Variants in NAV1 observed in about 807,000 individuals in gnomAD.
NAV1 encodes pore membrane and/or filament interacting like protein 3.
Under a neutral mutation model 175.2 loss-of-function variants are expected in NAV1, and 18 were observed. The observed-to-expected ratio is 0.10, with a 90% CI of 0.07 to 0.15. The LOEUF (loss-of-function observed/expected upper bound fraction) is 0.15, where lower values mean the gene tolerates loss of function less well. NAV1 is among the 10% of genes least tolerant of loss of function. The probability of loss-of-function intolerance (pLI) is 1.00; values close to 1 mark genes in which losing one functional copy is unlikely to be tolerated. For missense variants in NAV1, 1,731 were observed against 2,436.6 expected, an observed-to-expected ratio of 0.71 and a Z score of 6.10; for synonymous variants, 897 against 978.7, an observed-to-expected ratio of 0.92 and a Z score of 1.56.
At chr1:201,794,201 G>T (rs1307358275) in intron 14 of NAV1, 8 of 635,456 alleles carry the variant, frequency 1.3e-5, no homozygotes, top group South Asian at 1.2e-4. Context: ...ACCCAGGCTG[G>T]AGTGCACTGG....
intron 2 of NAV1, among the ~76,000 whole-genome samples, chr1:201,714,886 A>C (rs1489580105): frequency 6.6e-6 from 1 of 152,130 alleles, no homozygotes; most frequent in Non-Finnish European, 1.5e-5. Flanking sequence ...CCCTCCGTTA[A>C]GCCGGACAGC....
At chr1:201,815,046 A>C (rs1678940518) in intron 28 of NAV1, among the ~76,000 whole-genome samples, 2 of 151,724 alleles carry the variant, frequency 1.3e-5, no homozygotes, top group African/African-American at 4.8e-5. Context: ...TCTCAAAAAA[A>C]AAAAAAAAAA....
chr1:201,561,672 G>C (rs1251114602), intron 1 of NAV1, among the ~76,000 whole-genome samples: 1 of 152,168 alleles, frequency 6.6e-6, no homozygotes, highest in Non-Finnish European at 1.5e-5. Context: ...TTCCCTATTA[G>C]GCAGTAGGCT....
rs1433428389 is a variant in NAV1, at chr1:201,782,672, G to A, written c.2160G>A (p.Lys720=). The A allele has an allele frequency of 6.2e-7, 1 of 1,614,146 alleles. No individual in the cohort carries two copies. The change falls in exon 6 of 30, where the codon AAG becomes AAA. Residue 720 remains lysine (K), a synonymous_variant. Transcript: ENST00000367296. The surrounding 1 kb of genome is among the most constrained non-coding windows in gnomAD (Gnocchi z 5.4). The stretch of plus-strand genomic sequence containing the variant: ...CTTCCAGACTGAAGGAGCCTACCAA[G>A]GTAGCCAGTGGGCGGACCACTCCAG...
intron 1 of NAV1, among the ~76,000 whole-genome samples, chr1:201,654,926 AC>A (rs1669340871): frequency 6.6e-6 from 1 of 152,116 alleles, no homozygotes; most frequent in Non-Finnish European, 1.5e-5. Context: ...GAGAATTTCT[AC>A]CCGTGGGTCT....
At chr1:201,691,885 CACCTGTTT>C (rs1229072703) in intron 1 of NAV1, among the ~76,000 whole-genome samples, 6 of 152,240 alleles carry the variant, frequency 3.9e-5, no homozygotes, top group African/African-American at 1.4e-4. Context: ...ATGCCAGTTG[CACCTGTTT>C]AACTCCCTGA....
intron 3 of NAV1, among the ~76,000 whole-genome samples, chr1:201,721,209 T>C (rs1672372549): frequency 6.6e-6 from 1 of 152,204 alleles, no homozygotes; most frequent in Admixed American, 6.5e-5. Context: ...ATCCATAAAG[T>C]GGACCTTCCT....
chr1:201,641,911 C>A (rs566591980), intron 2 of NAV1, among the ~76,000 whole-genome samples: 80 of 152,176 alleles, frequency 5.3e-4, no homozygotes, highest in African/African-American at 1.8e-3. Context: ...GGTCACCTTC[C>A]TTCATTCCTT....
intron 3 of NAV1, among the ~76,000 whole-genome samples, chr1:201,763,605 C>T (rs1444861054): frequency 6.6e-6 from 1 of 152,216 alleles, no homozygotes; most frequent in Non-Finnish European, 1.5e-5. Context: ...ATTCCTCACC[C>T]ACAGTTGGTC....
At chr1:201,743,715 C>T (rs1673579807) in intron 3 of NAV1, among the ~76,000 whole-genome samples, 1 of 152,134 alleles carries the variant, frequency 6.6e-6, no homozygotes, top group African/African-American at 2.4e-5. Context: ...GAGTATAATA[C>T]ATGGAACAGT....
chr1:201,560,949 C>T (rs907603374), intron 1 of NAV1, among the ~76,000 whole-genome samples: 1 of 152,236 alleles, frequency 6.6e-6, no homozygotes, highest in African/African-American at 2.4e-5. Flanking sequence ...TTGCATTTGC[C>T]ACCACCACAG....
At chr1:201,565,429 T>C (rs1666323375) in intron 1 of NAV1, among the ~76,000 whole-genome samples, 1 of 152,220 alleles carries the variant, frequency 6.6e-6, no homozygotes, top group African/African-American at 2.4e-5. Context: ...TCTTGGCAGC[T>C]CACACTCCAG....
chr1:201,770,492 A>G (rs16849308), intron 3 of NAV1, among the ~76,000 whole-genome samples: 2,463 of 152,012 alleles, frequency 0.016, 72 homozygotes, highest in African/African-American at 0.056. Context: ...TATCACTCTC[A>G]TCTTAACAAC....
chr1:201,640,887 G>T (rs1464283298), intron 2 of NAV1, among the ~76,000 whole-genome samples: 2 of 152,224 alleles, frequency 1.3e-5, no homozygotes, highest in African/African-American at 4.8e-5. Context: ...CACAGAGCTG[G>T]GATGGGTTTT....
intron 1 of NAV1, among the ~76,000 whole-genome samples, chr1:201,585,326 C>T (rs1571833085): frequency 6.6e-6 from 1 of 152,124 alleles, no homozygotes; most frequent in East Asian, 1.9e-4. Flanking sequence ...AGGCACAGAA[C>T]TAGGTTTCTG....
At chr1:201,643,098 TC>T (rs1366320412) in intron 2 of NAV1, among the ~76,000 whole-genome samples, 1,630 of 141,658 alleles carry the variant, frequency 0.012, 38 homozygotes, top group African/African-American at 0.047. Flanking sequence ...TTTCTTTTTC[TC>T]TTTCTTTCTT....
At position 201,766,252 on chromosome 1, in the gene NAV1, G is replaced by A. The variant is rs186968050; in HGVS notation, c.1227-14169G>A. On this transcript the variant is annotated intron_variant, in intron 3 of 29. Coordinates refer to ENST00000367296, the Ensembl canonical transcript of NAV1. ...TCTTCCTCTAAATCTCTCACTCTGC[G>A]ATTCATCCTTTCCTCCCATTGCCTG... Among the ~76,000 whole-genome samples the A allele has an allele frequency of 3.3e-5, 5 of 152,172 alleles. No individual in the cohort carries two copies. In the East Asian group the frequency reaches 7.7e-4, roughly 24 times the overall value.
At chr1:201,825,434 C>T (rs1218424361) in exon 30 of NAV1, 1 of 152,056 alleles carries the variant, frequency 6.6e-6, no homozygotes, top group Non-Finnish European at 1.5e-5. Context: ...GCCTGAGAAC[C>T]AGGCCAGAAC....
chr1:201,623,738 A>G, intron 1 of NAV1, 132 bp downstream of exon 3: 1 of 901,888 alleles, frequency 1.1e-6, no homozygotes, highest in Non-Finnish European at 1.3e-6. Flanking sequence ...ATACAAAAAG[A>G]AGTTAGGTAG....
Sources: gnomAD v4.1 joint callset for allele counts (sites outside exome capture counted in the v4.1 genomes callset) on GRCh38, gnomAD v4.1.1 for gene constraint, Gnocchi (gnomAD v3.1) non-coding constraint, MANE v1.5 for transcripts, NCBI Gene and HGNC (gene_info 2026-07-23, HGNC 2026-07-21) for gene names.